The following FBN1 variants were observed in gnomAD, a reference collection of about 807,000 sequenced individuals.
FBN1 encodes fibrillin-1.
A neutral mutation model predicts 365.1 loss-of-function variants in FBN1; 29 were observed. The observed-to-expected ratio is 0.08, with a 90% CI of 0.06 to 0.11. FBN1 has a LOEUF of 0.11. Ranked by LOEUF, FBN1 falls within the 10% of genes least tolerant of loss-of-function variation. The pLI, the probability that FBN1 is intolerant of heterozygous loss-of-function variation, is 1.00. For synonymous variants in FBN1, 1,210 were observed against 1,270.5 expected (o/e 0.95, Z 1.01); for missense variants, 2,476 against 3,703.2 (o/e 0.67, Z 8.60).
chr15:48,623,277 T>A (rs527306679), intron 2 of FBN1, among the ~76,000 whole-genome samples: 1 of 152,382 alleles, frequency 6.6e-6, no homozygotes, highest in African/African-American at 2.4e-5. Flanking sequence ...TAGAATTATT[T>A]CTTATAAATT....
chr15:48,460,160 C>T, intron 43 of FBN1, 86 bp downstream of exon 43: 2 of 967,836 alleles, frequency 2.1e-6, no homozygotes, highest in Non-Finnish European at 3.3e-6. Flanking sequence ...ATTTTTTTTC[C>T]TTTAAGAAAA....
intron 62 of FBN1, 22 bp downstream of exon 62, chr15:48,421,536 C>T (rs367602139): frequency 1.6e-5 from 26 of 1,609,376 alleles, no homozygotes; most frequent in Non-Finnish European, 2.1e-5. Context: ...CCAGCTGGAT[C>T]GCAGCTGAAG....
intron 2 of FBN1, among the ~76,000 whole-genome samples, chr15:48,635,669 T>C (rs1379399938): frequency 3.3e-5 from 5 of 152,226 alleles, no homozygotes; most frequent in Admixed American, 6.5e-5. Flanking sequence ...TTAAATTTAT[T>C]TCATGTATAA....
chr15:48,590,592 G>A (rs2044470337), intron 6 of FBN1, among the ~76,000 whole-genome samples: 1 of 152,162 alleles, frequency 6.6e-6, no homozygotes, highest in African/African-American at 2.4e-5. Flanking sequence ...TAAGAAGGAG[G>A]TGGAATTACA....
intron 5 of FBN1, among the ~76,000 whole-genome samples, chr15:48,598,568 C>T (rs2044533819): frequency 6.6e-6 from 1 of 152,168 alleles, no homozygotes; most frequent in Non-Finnish European, 1.5e-5. Context: ...GCTCTAGCAA[C>T]ACCAAAGCAC....
intron 2 of FBN1, among the ~76,000 whole-genome samples, chr15:48,627,069 C>A (rs1279638031): frequency 3.3e-5 from 5 of 152,074 alleles, no homozygotes; most frequent in African/African-American, 1.2e-4. Flanking sequence ...AATAACATTC[C>A]AAGGTTAGTG....
chr15:48,429,808 T>G (rs907631852), intron 56 of FBN1, among the ~76,000 whole-genome samples: 2 of 152,246 alleles, frequency 1.3e-5, no homozygotes, highest in Non-Finnish European at 2.9e-5. Context: ...GGCAATGGGA[T>G]TCTTAATCTT....
chr15:48,413,297 A>G (rs2042878576), intron 64 of FBN1, among the ~76,000 whole-genome samples: 1 of 151,306 alleles, frequency 6.6e-6, no homozygotes, highest in Non-Finnish European at 1.5e-5. Flanking sequence ...TCCGGTTGAT[A>G]ATGAAGGTTA....
chr15:48,470,501 T>A (rs2043363032), intron 36 of FBN1, 133 bp downstream of exon 36: 1 of 1,200,160 alleles, frequency 8.3e-7, no homozygotes, highest in Non-Finnish European at 1.2e-6. Context: ...AGAAAAGGTA[T>A]CTGTGATTCT....
intron 50 of FBN1, among the ~76,000 whole-genome samples, chr15:48,440,090 G>A (rs1208585925): frequency 6.6e-6 from 1 of 152,162 alleles, no homozygotes; most frequent in East Asian, 1.9e-4. Context: ...CTCTAGAATT[G>A]GCTTATTAAT....
chr15:48,523,095 G>A (rs2043874121), intron 9 of FBN1, among the ~76,000 whole-genome samples: 1 of 152,156 alleles, frequency 6.6e-6, no homozygotes, highest in Admixed American at 6.5e-5. Flanking sequence ...ATATACTTGG[G>A]AATTAGTAAA....
intron 46 of FBN1, among the ~76,000 whole-genome samples, chr15:48,447,665 T>TGA (rs149029100): frequency 0.12 from 18,251 of 151,218 alleles, 1,245 homozygotes; most frequent in African/African-American, 0.19. Flanking sequence ...AAGGATGAAA[T>TGA]GAGAGAGAGA....
intron 50 of FBN1, 78 bp from the exon 51 acceptor site, chr15:48,437,995 C>T: frequency 6.9e-7 from 1 of 1,446,832 alleles, no homozygotes; most frequent in Admixed American, 1.7e-5. Context: ...AAAGAACAAC[C>T]CACTATGTTA....
At chr15:48,629,547 A>G (rs1423502834) in intron 2 of FBN1, among the ~76,000 whole-genome samples, 1 of 152,196 alleles carries the variant, frequency 6.6e-6, no homozygotes, top group Non-Finnish European at 1.5e-5. Flanking sequence ...TAAACAGAAT[A>G]ATGTTATTGT....
chr15:48,546,253 A>G (rs2044092517), intron 6 of FBN1, among the ~76,000 whole-genome samples: 1 of 152,236 alleles, frequency 6.6e-6, no homozygotes, highest in Non-Finnish European at 1.5e-5. Flanking sequence ...ATAGATCAAC[A>G]CATTAAAATA....
At position 48,428,328 on chromosome 15, in the gene FBN1, G is replaced by T. The variant is rs148116316; in HGVS notation, c.6997+18C>A. The T allele has an allele frequency of 6.8e-6, 11 of 1,613,556 alleles. No individual in the cohort carries two copies. In the East Asian group the frequency reaches 2.5e-4, roughly 36 times the overall value. ...GTGGAGGCTGAGGTTAGGAAAGTGC[G>T]GTGCCAACTGTACTCACCAAGGCAC... On this transcript the variant is annotated intron_variant, in intron 57 of 65. Transcript: ENST00000316623.
intron 65 of FBN1, 64 bp downstream of exon 65, chr15:48,412,505 C>A: frequency 6.4e-7 from 1 of 1,563,254 alleles, no homozygotes; most frequent in African/African-American, 1.4e-5. Flanking sequence ...TTGGAGGAAA[C>A]CACAGGAATC....
chr15:48,520,201 CA>C (rs890374416), intron 10 of FBN1, among the ~76,000 whole-genome samples: 1 of 145,566 alleles, frequency 6.9e-6, no homozygotes, highest in African/African-American at 2.5e-5. Flanking sequence ...CTAATAGAAA[CA>C]AAAAAATGGA....
chr15:48,620,623 T>C (rs558314786), intron 2 of FBN1, among the ~76,000 whole-genome samples: 46 of 152,306 alleles, frequency 3.0e-4, no homozygotes, highest in African/African-American at 9.9e-4. Context: ...TTTTCACTTA[T>C]GTTATTGTAT....
Sources: gnomAD v4.1 joint callset for allele counts (sites outside exome capture counted in the v4.1 genomes callset) on GRCh38, gnomAD v4.1.1 for gene constraint, MANE v1.5 for transcripts, NCBI Gene and HGNC (gene_info 2026-07-23, HGNC 2026-07-21) for gene names.